The following LEFTY2 variants were observed in gnomAD, a reference collection of about 807,000 sequenced individuals.
The protein encoded by LEFTY2 is TGF-beta-4.
Under a neutral mutation model 26.4 loss-of-function variants are expected in LEFTY2, and 10 were observed. The observed-to-expected ratio is 0.38, with a 90% CI of 0.23 to 0.64. The LOEUF is 0.64. Ranked by LOEUF, LEFTY2 falls within the 30% of genes least tolerant of loss-of-function variation. The probability of loss-of-function intolerance (pLI) is 0.56; values close to 1 mark genes in which losing one functional copy is unlikely to be tolerated. For missense variants in LEFTY2, 407 were observed against 502.1 expected, an observed-to-expected ratio of 0.81 and a Z score of 1.81; for synonymous variants, 204 against 234.1, an observed-to-expected ratio of 0.87 and a Z score of 1.17.
chr1:225,937,817 G>A lies in LEFTY2; in HGVS notation c.738-13C>T, dbSNP rs767324990. 7.6e-6 allele frequency: 12 copies of A among 1,575,494 alleles called. No homozygotes were observed. The highest frequency in any genetic ancestry group is 3.7e-5 in the Admixed American group (2 of 54,634). ...GTCGCCCTGAGCTCTGTGTGGGCAA[G>A]GAGAGCAGGGTCAGAGGTCATCTGG... On this transcript the variant is annotated splice_polypyrimidine_tract_variant and intron_variant, in intron 3 of 3. Transcript: ENST00000366820.
Position 225,937,368 on chromosome 1 carries a change from A to G in LEFTY2, c.*73T>C. On this transcript the variant is annotated 3_prime_UTR_variant, in exon 4 of 4. Coordinates refer to ENST00000366820, the MANE Select transcript of LEFTY2 (RefSeq NM_003240.5). ...TGGGATGGAGTAACTTGCTAAGTAT[A>G]AAGTTAAGACCTACATTAAGACCAC... 2 of 1,607,126 alleles carry G rather than the reference A, an allele frequency of 1.2e-6. No individual in the cohort carries two copies. The highest frequency in any genetic ancestry group is 1.7e-6 in the Non-Finnish European group (2 of 1,177,804).
chr1:225,940,263 T>TCACCCAGCTA (rs141162559), intron 1 of LEFTY2, among the ~76,000 whole-genome samples: 6,332 of 152,310 alleles, frequency 0.042, 339 homozygotes, highest in East Asian at 0.21. Context: ...CCCAGGTGCC[T>TCACCCAGCTA]GGCACTGGCT....
chr1:225,940,965 G>T lies in LEFTY2; in HGVS notation c.176C>A (p.Ala59Asp), dbSNP rs1410652854. The change falls in exon 1 of 4, where the codon GCC becomes GAC. Residue 59 changes from alanine (A) to aspartate (D), a missense_variant. Transcript: ENST00000366820. ...GCGCCGCAGCAGGACTACATACTGG[G>T]CCCTCACGTGGGCGGGGATGACCAG... The part of the protein sequence containing the change: ...EKLVIPAHVR[A>D]QYVVLLRRSH... The T allele has an allele frequency of 6.2e-7, 1 of 1,613,724 alleles. No homozygotes were observed. The highest frequency in any genetic ancestry group is 8.5e-7 in the Non-Finnish European group (1 of 1,179,878).
chr1:225,939,540 G>T lies in LEFTY2; in HGVS notation c.558C>A (p.Phe186Leu), dbSNP rs778849241. The T allele has an allele frequency of 6.2e-7, 1 of 1,611,726 alleles. No homozygotes were observed. The highest frequency in any genetic ancestry group is 1.3e-5 in the African/African-American group (1 of 74,914). ...GCCGGGGCCGGCTCAGCTGCTGCCA[G>T]AAGTTCACGGCCTCGGTCACGTCGA... ...KAFDVTEAVN[F>L]WQQLSRPRQP... is the part of the protein sequence containing the mutation. Residue 186 changes from phenylalanine (F) to leucine (L), a missense_variant, in exon 3 of 4, where the codon TTC becomes TTA. Physicochemically the swap from Phe to Leu is conservative, Grantham distance 22. Coordinates refer to ENST00000366820, the MANE Select transcript of LEFTY2 (RefSeq NM_003240.5). The surrounding 1 kb of genome is among the most constrained non-coding windows in gnomAD (Gnocchi z 4.1).
rs1281341741 is a variant in LEFTY2 at position 225,937,704 on chromosome 1, T to A, written c.838A>T (p.Asn280Tyr). The A allele has an allele frequency of 6.2e-7, 1 of 1,613,298 alleles. No homozygotes were observed. The highest frequency in any genetic ancestry group is 1.3e-5 in the African/African-American group (1 of 74,920). ...IDLQGMKWAKNWVLEPPGFLA... is the reference protein window; with the variant it reads ...IDLQGMKWAKYWVLEPPGFLA... Reference sequence around the variant, plus strand: ...AAGCCCGGGGGCTCCAGCACCCAGTTCTTGGCCCACTTCATCCCCTGCAGG... The same window carrying A: ...AAGCCCGGGGGCTCCAGCACCCAGTACTTGGCCCACTTCATCCCCTGCAGG... The change falls in exon 4 of 4, where the codon AAC (asparagine) becomes TAC (tyrosine). Residue 280 changes from asparagine (N) to tyrosine (Y), a missense_variant. Transcript: ENST00000366820.
At chr1:225,940,023 A>G in intron 1 of LEFTY2, 21 bp from the exon 2 acceptor site, 1 of 1,595,676 alleles carries the variant, frequency 6.3e-7, no homozygotes, top group Non-Finnish European at 8.5e-7. Context: ...GAGCAGGGTC[A>G]GCAGGGCCTC....
chr1:225,937,381 A>G lies in LEFTY2; in HGVS notation c.*60T>C. 2 of 1,611,588 alleles carry G rather than the reference A, an allele frequency of 1.2e-6. No individual in the cohort carries two copies. Among genetic ancestry groups the G allele is most frequent in the South Asian group, 1.1e-5 (1 of 91,028 alleles). ...CTTGCTAAGTATAAAGTTAAGACCT[A>G]CATTAAGACCACCTCTATGCACACG... On this transcript the variant is annotated 3_prime_UTR_variant, in exon 4 of 4. Coordinates refer to ENST00000366820, the MANE Select transcript of LEFTY2 (RefSeq NM_003240.5).
chr1:225,938,725 G>C (rs1672217931), intron 3 of LEFTY2, among the ~76,000 whole-genome samples: 2 of 151,180 alleles, frequency 1.3e-5, no homozygotes, highest in African/African-American at 2.4e-5. Context: ...GGATTTCACT[G>C]TGTGGCCGAG....
At chr1:225,940,036 C>T in intron 1 of LEFTY2, 34 bp from the exon 2 acceptor site, 1 of 1,595,112 alleles carries the variant, frequency 6.3e-7, no homozygotes, top group Non-Finnish European at 8.5e-7. Flanking sequence ...AGGGCCTCCC[C>T]GGACTCCAGC....
In LEFTY2 at chr1:225,937,366, A is replaced by G; in HGVS notation, c.*75T>C. ...ATTGGGATGGAGTAACTTGCTAAGT[A>G]TAAAGTTAAGACCTACATTAAGACC... On this transcript the variant is annotated 3_prime_UTR_variant, in exon 4 of 4. Transcript: ENST00000366820. 1 of 1,607,976 alleles carries G rather than the reference A, an allele frequency of 6.2e-7. No homozygotes were observed. Among genetic ancestry groups the G allele is most frequent in the Non-Finnish European group, 8.5e-7 (1 of 1,179,012 alleles).
At chr1:225,938,622 G>A (rs566071534) in intron 3 of LEFTY2, among the ~76,000 whole-genome samples, 1 of 152,118 alleles carries the variant, frequency 6.6e-6, no homozygotes, top group Non-Finnish European at 1.5e-5. Flanking sequence ...CAAAGTGCTG[G>A]GATTACAGGC....
rs1465164288 is a variant in LEFTY2 at position 225,937,023 on chromosome 1, T to C, written c.*418A>G. On this transcript the variant is annotated 3_prime_UTR_variant, in exon 4 of 4. Transcript: ENST00000366820. ...TAGGTATGTTTACAAAAGTCCAGAATGGGTCAGTATTTGGGGGAAATAGAG... is the reference window on the plus strand; with the variant it reads ...TAGGTATGTTTACAAAAGTCCAGAACGGGTCAGTATTTGGGGGAAATAGAG... 3.6e-6 allele frequency: 1 copy of C among 274,548 alleles called. No homozygotes were observed. The highest frequency in any genetic ancestry group is 2.2e-5 in the African/African-American group (1 of 44,604). 17.0% of individuals were successfully genotyped at this position (274,548 alleles called of 1,614,324 possible).
chr1:225,939,225 A>T lies in LEFTY2; in HGVS notation c.737+136T>A. On this transcript the variant is annotated intron_variant, in intron 3 of 3. Transcript: ENST00000366820. This position sits in a 1 kb window ranked among gnomAD's most constrained non-coding sequence, Gnocchi z 4.1. ...TGACATGTAGTGGGCAATCGCTGGC[A>T]TCCTGGGACAGTCTGCACCGCGCTC... 1 of 1,380,024 alleles carries T rather than the reference A, an allele frequency of 7.2e-7. No homozygotes were observed. Among genetic ancestry groups the T allele is most frequent in the Non-Finnish European group, 9.9e-7 (1 of 1,007,988 alleles). 85.5% of individuals were successfully genotyped at this position (1,380,024 alleles called of 1,614,324 possible).
Position 225,940,942 on chromosome 1 carries a change from G to A in LEFTY2, c.199C>T (p.Arg67Cys), listed in dbSNP as rs1226481336. 14 of 1,613,564 alleles carry A rather than the reference G, an allele frequency of 8.7e-6. No individual in the cohort carries two copies. Among genetic ancestry groups the A allele is most frequent in the South Asian group, 4.4e-5 (4 of 91,070 alleles). Residue 67 changes from arginine (R) to cysteine (C), a missense_variant, in exon 1 of 4, where the codon CGC becomes TGC. Coordinates refer to ENST00000366820, the MANE Select transcript of LEFTY2 (RefSeq NM_003240.5). ...CCGCGGGAGCGGTCCCCGTGGCTGC[G>A]CCGCAGCAGGACTACATACTGGGCC... The part of the protein sequence containing the change: ...VRAQYVVLLR[R>C]SHGDRSRGKR...
chr1:225,939,636 C>A lies in LEFTY2; in HGVS notation c.498-36G>T. The A allele has an allele frequency of 1.2e-6, 2 of 1,612,330 alleles. No homozygotes were observed. Among genetic ancestry groups the A allele is most frequent in the Non-Finnish European group, 1.7e-6 (2 of 1,179,780 alleles). On this transcript the variant is annotated intron_variant, in intron 2 of 3. Transcript: ENST00000366820. The surrounding 1 kb of genome is among the most constrained non-coding windows in gnomAD (Gnocchi z 4.1). ...ATACACACGACACGGAGACCCAGCG[C>A]CGCTTGAGGGCGGGGACTGGGACGG...
chr1:225,940,537 G>C (rs1672294954), intron 1 of LEFTY2, among the ~76,000 whole-genome samples: 1 of 152,246 alleles, frequency 6.6e-6, no homozygotes, highest in Non-Finnish European at 1.5e-5. Context: ...TCAGACCAGA[G>C]TGGCAGTGTG....
At position 225,937,356 on chromosome 1, in the gene LEFTY2, C is replaced by T; in HGVS notation, c.*85G>A. The T allele has an allele frequency of 6.2e-7, 1 of 1,603,254 alleles. No individual in the cohort carries two copies. Among genetic ancestry groups the T allele is most frequent in the Non-Finnish European group, 8.5e-7 (1 of 1,177,100 alleles). ...GGAGCACTAAATTGGGATGGAGTAA[C>T]TTGCTAAGTATAAAGTTAAGACCTA... On this transcript the variant is annotated 3_prime_UTR_variant, in exon 4 of 4. Transcript: ENST00000366820.
At chr1:225,937,838 T>G (rs1275575593) in intron 3 of LEFTY2, 34 bp from the exon 4 acceptor site, 8 of 1,451,648 alleles carry the variant, frequency 5.5e-6, no homozygotes, top group South Asian at 4.7e-5. Context: ...TCAGAGGTCA[T>G]CTGGGAGGCT....
In LEFTY2 at chr1:225,940,929, T is replaced by C; in HGVS notation, c.212A>G (p.Asp71Gly). 1 of 1,613,368 alleles carries C rather than the reference T, an allele frequency of 6.2e-7. No individual in the cohort carries two copies. Among genetic ancestry groups the C allele is most frequent in the Non-Finnish European group, 8.5e-7 (1 of 1,179,750 alleles). The change falls in exon 1 of 4, where the codon GAC (aspartate) becomes GGC (glycine). Residue 71 changes from aspartate to glycine, a missense_variant. Asp to Gly is a moderately conservative substitution (Grantham distance 94). Coordinates refer to ENST00000366820, the MANE Select transcript of LEFTY2 (RefSeq NM_003240.5). ...GCTGAACCTCTTTCCGCGGGAGCGGTCCCCGTGGCTGCGCCGCAGCAGGAC... is the reference window on the plus strand; with the variant it reads ...GCTGAACCTCTTTCCGCGGGAGCGGCCCCCGTGGCTGCGCCGCAGCAGGAC... ...YVVLLRRSHG[D>G]RSRGKRFSQS...
Sources: allele counts gnomAD v4.1 joint callset (sites outside exome capture counted in the v4.1 genomes callset), GRCh38; gene constraint gnomAD v4.1.1; non-coding constraint Gnocchi (gnomAD v3.1); transcripts MANE v1.5; gene names NCBI Gene and HGNC (gene_info 2026-07-23, HGNC 2026-07-21).